NBAS: variants seen among roughly 807,000 people sequenced by gnomAD.
NBAS encodes NAG/BC035112 fusion.
A neutral mutation model predicts 302.5 loss-of-function variants in NBAS; 219 were observed. That is an observed-to-expected ratio of 0.72 (90% CI 0.65 to 0.81). The LOEUF (loss-of-function observed/expected upper bound fraction) is 0.81. Ranked by LOEUF, NBAS falls within the 30% of genes least tolerant of loss-of-function variation. The pLI, the probability that NBAS is intolerant of heterozygous loss-of-function variation, is 0.00. For missense variants in NBAS, 2,932 were observed against 2,841.6 expected (o/e 1.03, Z -0.72); for synonymous variants, 1,118 against 1,021.6 (o/e 1.09, Z -1.80).
the NBAS span, among the ~76,000 whole-genome samples, chr2:15,077,549 A>C: frequency 6.6e-6 from 1 of 152,242 alleles, no homozygotes; most frequent in African/African-American, 2.4e-5. Flanking sequence ...ACAGAAAAGC[A>C]AGCAAGTAAA....
chr2:15,104,297 A>AAT, the NBAS span, among the ~76,000 whole-genome samples: 2 of 152,126 alleles, frequency 1.3e-5, no homozygotes, highest in African/African-American at 4.8e-5. Context: ...TTCTTTTATA[A>AAT]ATTACCTAGT....
intron 7 of NBAS, among the ~76,000 whole-genome samples, chr2:15,537,765 C>T (rs943646232): frequency 1.2e-4 from 19 of 152,170 alleles, no homozygotes; most frequent in Non-Finnish European, 4.4e-5. Flanking sequence ...TGAGCTTTCA[C>T]GTCTTTTCTG....
the NBAS span, among the ~76,000 whole-genome samples, chr2:15,036,677 C>A: frequency 1.3e-5 from 2 of 152,182 alleles, no homozygotes; most frequent in Admixed American, 1.3e-4. Flanking sequence ...GACTTTAGTA[C>A]TGGAGCTTGT....
intron 32 of NBAS, among the ~76,000 whole-genome samples, chr2:15,359,111 C>T (rs909301181): frequency 4.6e-5 from 7 of 152,174 alleles, no homozygotes; most frequent in African/African-American, 1.7e-4. Flanking sequence ...ACCTTCTATA[C>T]TTTCCCACTG....
chr2:15,111,205 T>A, the NBAS span, among the ~76,000 whole-genome samples: 1 of 152,138 alleles, frequency 6.6e-6, no homozygotes, highest in African/African-American at 2.4e-5. Context: ...GAATGTAGTA[T>A]AAGATTTTGG....
At chr2:14,966,284 A>T in the NBAS span, among the ~76,000 whole-genome samples, 2 of 152,240 alleles carry the variant, frequency 1.3e-5, no homozygotes, top group African/African-American at 4.8e-5. Flanking sequence ...TGCAATAACT[A>T]AGAGGAGCCT....
At chr2:15,089,750 T>A in the NBAS span, among the ~76,000 whole-genome samples, 1 of 141,778 alleles carries the variant, frequency 7.1e-6, no homozygotes, top group East Asian at 2.0e-4. Context: ...GACTTTTTTT[T>A]TTTTTTTTTT....
chr2:15,406,723 T>A (rs1425406515), intron 25 of NBAS, among the ~76,000 whole-genome samples: 1 of 152,108 alleles, frequency 6.6e-6, no homozygotes, highest in African/African-American at 2.4e-5. Context: ...AAAAACCCTA[T>A]CGAAGAATGG....
chr2:15,459,652 T>C (rs993570612), intron 21 of NBAS, among the ~76,000 whole-genome samples: 1 of 152,072 alleles, frequency 6.6e-6, no homozygotes, highest in Non-Finnish European at 1.5e-5. Flanking sequence ...GCTAATTTTT[T>C]ATATTTTTAG....
the NBAS span, among the ~76,000 whole-genome samples, chr2:14,947,932 C>T: frequency 6.6e-6 from 1 of 151,766 alleles, no homozygotes; most frequent in East Asian, 1.9e-4. Context: ...TATTGATTTG[C>T]ATATGTTGAA....
chr2:14,976,891 G>A, the NBAS span, among the ~76,000 whole-genome samples: 20 of 152,312 alleles, frequency 1.3e-4, no homozygotes, highest in East Asian at 2.3e-3. Flanking sequence ...GTCTTCCAAC[G>A]GAGTGCAGCC....
chr2:15,474,359 A>T, intron 14 of NBAS, 35 bp from the exon 15 acceptor site: 4 of 1,561,264 alleles, frequency 2.6e-6, no homozygotes, highest in Non-Finnish European at 3.5e-6. Flanking sequence ...GTTAATAGTA[A>T]GGAAATAAGA....
At chr2:15,489,062 T>C (rs1680750652) in intron 11 of NBAS, 40 bp from the exon 12 acceptor site, 1 of 1,607,528 alleles carries the variant, frequency 6.2e-7, no homozygotes. Flanking sequence ...GGACTTATGG[T>C]CAAATGTAAA....
chr2:15,162,211 G>A (rs1663916252), downstream of NBAS, among the ~76,000 whole-genome samples: 2 of 152,228 alleles, frequency 1.3e-5, no homozygotes, highest in Admixed American at 1.3e-4. Context: ...CAGGCGCGTT[G>A]TTTGTCAAGA....
intron 21 of NBAS, among the ~76,000 whole-genome samples, chr2:15,454,295 G>C (rs1198390551): frequency 6.6e-6 from 1 of 151,896 alleles, no homozygotes; most frequent in African/African-American, 2.4e-5. Flanking sequence ...ATTTCTTAAT[G>C]AACAGATATG....
the NBAS span, among the ~76,000 whole-genome samples, chr2:15,118,148 G>C: frequency 2.0e-5 from 3 of 152,184 alleles, no homozygotes; most frequent in African/African-American, 7.2e-5. Flanking sequence ...CGTGTCAGGC[G>C]GGCAGAGGAG....
chr2:15,159,332 T>A, the NBAS span, among the ~76,000 whole-genome samples: 1 of 152,170 alleles, frequency 6.6e-6, no homozygotes, highest in Admixed American at 6.5e-5. Context: ...CATAGAACAA[T>A]CCCATGTTTG....
the NBAS span, among the ~76,000 whole-genome samples, chr2:14,939,945 G>A: frequency 3.3e-5 from 5 of 152,122 alleles, no homozygotes; most frequent in African/African-American, 1.2e-4. Flanking sequence ...GCTTTATCAC[G>A]GGTCATAGGA....
chr2:15,255,722 G>T (rs1668563763), intron 44 of NBAS, among the ~76,000 whole-genome samples: 1 of 152,136 alleles, frequency 6.6e-6, no homozygotes, highest in African/African-American at 2.4e-5. Flanking sequence ...GTTAATTTTT[G>T]TATTTGGTTA....
Sources: gnomAD v4.1 joint callset for allele counts (sites outside exome capture counted in the v4.1 genomes callset) on GRCh38, gnomAD v4.1.1 for gene constraint, MANE v1.5 for transcripts, NCBI Gene and HGNC (gene_info 2026-07-23, HGNC 2026-07-21) for gene names.